The following UBE3B variants were observed in gnomAD, a reference collection of about 807,000 sequenced individuals.
UBE3B encodes ubiquitin-protein ligase E3B.
A neutral mutation model predicts 132.3 loss-of-function variants in UBE3B; 80 were observed. The ratio of observed to expected loss-of-function variants is 0.60; its 90% CI spans 0.50 to 0.73. UBE3B has a LOEUF of 0.73. Ranked by LOEUF, UBE3B falls within the 30% of genes least tolerant of loss-of-function variation. The pLI is 0.00. For synonymous variants in UBE3B, 487 were observed against 520.4 expected (o/e 0.94, Z 0.87); for missense variants, 1,196 against 1,362.5 (o/e 0.88, Z 1.92).
rs1051466765 is a variant in UBE3B, at chr12:109,530,163, A to G, written c.2810+91A>G. 3.1e-5 allele frequency: 45 copies of G among 1,470,654 alleles called. No individual in the cohort carries two copies. In the African/African-American group the frequency reaches 6.0e-4, roughly 20 times the overall value. The allele number at this position is 1,470,654 out of a possible 1,614,324, so 91.1% of individuals were successfully genotyped here. The stretch of plus-strand genomic sequence containing the variant: ...TGGGTTCCTTTTAGAGAGTTGTTTT[A>G]GGAGCCTGTCTCCAGATCTCCTTCT... On this transcript the variant is annotated intron_variant, in intron 25 of 27. Coordinates refer to ENST00000342494, the MANE Select transcript of UBE3B (RefSeq NM_130466.4).
chr12:109,539,909 C>T (rs753563565), downstream of UBE3B, among the ~76,000 whole-genome samples: 2 of 151,932 alleles, frequency 1.3e-5, no homozygotes, highest in African/African-American at 4.8e-5. Context: ...CTTTTCTTAC[C>T]GTGACAGTCC....
chr12:109,510,826 G>A (rs534917440), intron 17 of UBE3B, among the ~76,000 whole-genome samples: 1 of 152,294 alleles, frequency 6.6e-6, no homozygotes, highest in East Asian at 1.9e-4. Context: ...GTTTTTTGGA[G>A]AGTAATGGGG....
chr12:109,478,917 A>G (rs1243165503), intron 1 of UBE3B, among the ~76,000 whole-genome samples: 1 of 152,206 alleles, frequency 6.6e-6, no homozygotes, highest in Non-Finnish European at 1.5e-5. Context: ...AGCTTTTCCT[A>G]CTGCACAGGG....
intron 18 of UBE3B, among the ~76,000 whole-genome samples, chr12:109,511,541 C>G (rs1433070177): frequency 6.6e-6 from 1 of 152,020 alleles, no homozygotes; most frequent in Non-Finnish European, 1.5e-5. Context: ...GGAGACCTGA[C>G]CAGCTGGAGG....
At position 109,534,368 on chromosome 12, in the gene UBE3B, G is replaced by C; in HGVS notation, c.3016-223G>C. On this transcript the variant is annotated intron_variant, in intron 27 of 27. Coordinates refer to ENST00000342494, the MANE Select transcript of UBE3B (RefSeq NM_130466.4). The surrounding 1 kb of genome is among the most constrained non-coding windows in gnomAD (Gnocchi z 5.2). ...ATTTCCAAAAGCTTACTTAGTGCAGGAATTCTCTGTGCAGGCCCCAGGGAG... is the reference window on the plus strand; with the variant it reads ...ATTTCCAAAAGCTTACTTAGTGCAGCAATTCTCTGTGCAGGCCCCAGGGAG... 1 of 1,417,760 alleles carries C rather than the reference G, an allele frequency of 7.1e-7. No individual in the cohort carries two copies. The highest frequency in any genetic ancestry group is 9.2e-7 in the Non-Finnish European group (1 of 1,092,002). The allele number at this position is 1,417,760 out of a possible 1,614,324, so 87.8% of individuals were successfully genotyped here. A position where few individuals can be genotyped will look rare whatever the true frequency, so the allele number is the denominator to read the frequency against.
intron 23 of UBE3B, among the ~76,000 whole-genome samples, chr12:109,525,726 A>G (rs1882265514): frequency 6.6e-6 from 1 of 152,256 alleles, no homozygotes; most frequent in African/African-American, 2.4e-5. Flanking sequence ...TCTCCCGACT[A>G]TAAAGATAAT....
At chr12:109,491,207 G>A (rs1016536500) in intron 9 of UBE3B, 80 bp downstream of exon 9, 7 of 1,375,214 alleles carry the variant, frequency 5.1e-6, no homozygotes, top group East Asian at 2.3e-5. Flanking sequence ...CTCGTTACTG[G>A]TATTAGGTAT....
Position 109,534,585 on chromosome 12 carries a change from C to T in UBE3B, c.3016-6C>T. The T allele has an allele frequency of 6.2e-7, 1 of 1,604,612 alleles. No homozygotes were observed. The highest frequency in any genetic ancestry group is 8.5e-7 in the Non-Finnish European group (1 of 1,175,324). On this transcript the variant is annotated splice_region_variant and splice_polypyrimidine_tract_variant and intron_variant, in intron 27 of 27. Transcript: ENST00000342494. The surrounding 1 kb of genome is among the most constrained non-coding windows in gnomAD (Gnocchi z 5.2). The stretch of plus-strand genomic sequence containing the variant: ...CCCAATTCAAGGCCACGATGTGTGC[C>T]TTCAGGACACCGGGGACACTCTGGG...
chr12:109,491,379 G>T (rs1877444901), intron 9 of UBE3B: 1 of 361,440 alleles, frequency 2.8e-6, no homozygotes, highest in East Asian at 4.3e-5. Flanking sequence ...TATTCAAAAT[G>T]AATTTCTTTT....
At chr12:109,505,304 C>T in intron 14 of UBE3B, among the ~76,000 whole-genome samples, 1 of 152,214 alleles carries the variant, frequency 6.6e-6, no homozygotes, top group East Asian at 1.9e-4. Flanking sequence ...ACTGGCACTG[C>T]TGCTGGTCTG....
At chr12:109,481,855 G>A (rs1179819213) in intron 2 of UBE3B, 113 bp downstream of exon 2, 1 of 152,064 alleles carries the variant, frequency 6.6e-6, no homozygotes, top group Non-Finnish European at 1.5e-5. Flanking sequence ...ACGACTTAGT[G>A]TTTTTTTAAA....
intron 1 of UBE3B, among the ~76,000 whole-genome samples, chr12:109,480,709 G>C (rs1307304793): frequency 6.6e-6 from 1 of 151,890 alleles, no homozygotes; most frequent in East Asian, 1.9e-4. Context: ...CTAGGGACTG[G>C]CTCCAACTCT....
intron 11 of UBE3B, among the ~76,000 whole-genome samples, chr12:109,499,083 A>T (rs537966598): frequency 1.3e-5 from 2 of 152,248 alleles, no homozygotes; most frequent in Non-Finnish European, 2.9e-5. Flanking sequence ...TCAGCCTGCG[A>T]GATTACAGAC....
rs868767579 is a variant in UBE3B, at chr12:109,534,051, G to C, written c.3015+493G>C. On this transcript the variant is annotated intron_variant, in intron 27 of 27. Transcript: ENST00000342494. This position sits in a 1 kb window ranked among gnomAD's most constrained non-coding sequence, Gnocchi z 5.2. ...GTGTGTCTCAAGCCTGGCCCACTGTGGGTGCTCAAATGAGAGTCCTACTCC... is the reference window on the plus strand; with the variant it reads ...GTGTGTCTCAAGCCTGGCCCACTGTCGGTGCTCAAATGAGAGTCCTACTCC... The C allele has an allele frequency of 7.7e-7, 1 of 1,294,772 alleles. No individual in the cohort carries two copies. The highest frequency in any genetic ancestry group is 5.5e-5 in the East Asian group (1 of 18,168). 80.2% of individuals were successfully genotyped at this position (1,294,772 alleles called of 1,614,324 possible).
intron 18 of UBE3B, among the ~76,000 whole-genome samples, chr12:109,513,190 C>T (rs1880586945): frequency 1.3e-5 from 2 of 152,148 alleles, no homozygotes; most frequent in Admixed American, 1.3e-4. Context: ...AATGCAGCCC[C>T]TCCTCCTGGA....
the UBE3B span, among the ~76,000 whole-genome samples, chr12:109,546,921 G>A: frequency 1.8e-4 from 28 of 152,136 alleles, no homozygotes; most frequent in African/African-American, 2.9e-4. Flanking sequence ...TGTTGCTCAG[G>A]CTGGTGTTGA....
Position 109,530,014 on chromosome 12 carries a change from C to T in UBE3B, c.2752C>T (p.Pro918Ser), listed in dbSNP as rs746633637. The change falls in exon 25 of 28, where the codon CCT (proline) becomes TCT (serine). Residue 918 changes from proline (P) to serine (S), a missense_variant. By Grantham distance (74) the Pro-to-Ser change is moderately conservative. Coordinates refer to ENST00000342494, the MANE Select transcript of UBE3B (RefSeq NM_130466.4). ...KPEWIRMFST[P>S]ELQRLISGDN... ...CGAGTGGATCCGAATGTTCTCAACTCCTGAACTGCAGCGTCTCATCTCTGG... is the reference window on the plus strand; with the variant it reads ...CGAGTGGATCCGAATGTTCTCAACTTCTGAACTGCAGCGTCTCATCTCTGG... 3 of 1,614,110 alleles carry T rather than the reference C, an allele frequency of 1.9e-6. No homozygotes were observed. Among genetic ancestry groups the T allele is most frequent in the Non-Finnish European group, 2.5e-6 (3 of 1,180,018 alleles).
Position 109,483,561 on chromosome 12 carries a change from C to T in UBE3B, c.10C>T (p.Leu4=), listed in dbSNP as rs1298801773. Reference sequence around the variant, plus strand: ...GTGCAAGTTTGCAAACATGTTCACCCTGTCTCAGACCTCGAGAGCATGGTT... The same window carrying T: ...GTGCAAGTTTGCAAACATGTTCACCTTGTCTCAGACCTCGAGAGCATGGTT... The part of the protein sequence containing the change: MFT[L]SQTSRAWFID... Residue 4 remains leucine, a synonymous_variant, in exon 3 of 28, where the codon CTG becomes TTG. Transcript: ENST00000342494. 1 of 1,579,006 alleles carries T rather than the reference C, an allele frequency of 6.3e-7. No individual in the cohort carries two copies. The highest frequency in any genetic ancestry group is 2.2e-5 in the East Asian group (1 of 44,620).
Position 109,483,561 on chromosome 12 carries a change from C to G in UBE3B, c.10C>G (p.Leu4Val). MFT[L>V]SQTSRAWFID... is the part of the protein sequence containing the mutation. ...GTGCAAGTTTGCAAACATGTTCACC[C>G]TGTCTCAGACCTCGAGAGCATGGTT... is the stretch of plus-strand genomic sequence containing the variant. The change falls in exon 3 of 28, where the codon CTG becomes GTG. Residue 4 changes from leucine to valine, a missense_variant. Physicochemically the swap from Leu to Val is conservative, Grantham distance 32. Coordinates refer to ENST00000342494, the MANE Select transcript of UBE3B (RefSeq NM_130466.4). The G allele has an allele frequency of 6.3e-7, 1 of 1,579,006 alleles. No individual in the cohort carries two copies. The highest frequency in any genetic ancestry group is 8.6e-7 in the Non-Finnish European group (1 of 1,167,082).
Sources: allele counts gnomAD v4.1 joint callset (sites outside exome capture counted in the v4.1 genomes callset), GRCh38; gene constraint gnomAD v4.1.1; non-coding constraint Gnocchi (gnomAD v3.1); transcripts MANE v1.5; gene names NCBI Gene and HGNC (gene_info 2026-07-23, HGNC 2026-07-21).